Variants in HEXB observed in about 807,000 individuals in gnomAD.
The protein encoded by HEXB is beta-hexosaminidase subunit beta.
Under a neutral mutation model 71.2 loss-of-function variants are expected in HEXB, and 51 were observed. The ratio of observed to expected loss-of-function variants is 0.72; its 90% CI spans 0.57 to 0.90. The LOEUF is 0.90. Ranked by LOEUF, HEXB falls within the 40% of genes least tolerant of loss-of-function variation. The probability of loss-of-function intolerance (pLI) is 0.00; values close to 1 mark genes in which losing one functional copy is unlikely to be tolerated. For synonymous variants in HEXB, 266 were observed against 249.3 expected, an observed-to-expected ratio of 1.07 and a Z score of -0.63; for missense variants, 617 against 677.0, an observed-to-expected ratio of 0.91 and a Z score of 0.98.
Position 74,693,644 on chromosome 5 carries a change from T to G in HEXB, c.451T>G (p.Leu151Val). 6.2e-7 allele frequency: 1 copy of G among 1,609,986 alleles called. No homozygotes were observed. Among genetic ancestry groups the G allele is most frequent in the Non-Finnish European group, 8.5e-7 (1 of 1,176,170 alleles). The stretch of plus-strand genomic sequence containing the variant: ...ATTTTAAATCCTCAATACAGATACT[T>G]TACTTGTGAAAGAACCAGTGGCTGT... ...PNISSDESYT[L>V]LVKEPVAVLK... The change falls in exon 3 of 14, where the codon TTA (leucine) becomes GTA (valine). Residue 151 changes from leucine (L) to valine (V), a missense_variant. Transcript: ENST00000261416.
chr5:74,643,763 G>A (rs1423487826), intron 1 of HEXB, among the ~76,000 whole-genome samples: 1 of 152,172 alleles, frequency 6.6e-6, no homozygotes, highest in African/African-American at 2.4e-5. Flanking sequence ...GTGCGATCAT[G>A]GTACCAGGGA....
intron 1 of HEXB, among the ~76,000 whole-genome samples, chr5:74,654,644 A>T (rs959155376): frequency 2.6e-5 from 4 of 152,170 alleles, no homozygotes; most frequent in African/African-American, 9.7e-5. Context: ...AGTTTAGTGG[A>T]TCTAGAGGGG....
intron 1 of HEXB, among the ~76,000 whole-genome samples, chr5:74,679,691 C>A (rs1440741958): frequency 1.3e-5 from 2 of 148,280 alleles, no homozygotes; most frequent in East Asian, 4.1e-4. Flanking sequence ...TCCTAGCTAT[C>A]TGGGAGGCTG....
chr5:74,663,350 C>T (rs1045228102), intron 1 of HEXB, among the ~76,000 whole-genome samples: 2 of 150,096 alleles, frequency 1.3e-5, no homozygotes, highest in African/African-American at 5.1e-5. Flanking sequence ...GCCACCACAC[C>T]TGGCTAATTT....
intron 8 of HEXB, among the ~76,000 whole-genome samples, chr5:74,716,016 C>CAAAAAAA (rs71600435): frequency 1.5e-5 from 1 of 64,866 alleles, no homozygotes; most frequent in Admixed American, 1.9e-4. Context: ...GACTCCATCT[C>CAAAAAAA]AAAAAAAAAA....
In HEXB at chr5:74,713,548, C is replaced by T. The variant is rs759209123; in HGVS notation, c.814C>T (p.Arg272Cys). ...LSHVYTPNDV[R>C]MVIEYARLRG... ...TCATGTTTATACACCAAATGATGTC[C>T]GTATGGTGATTGAATATGCCAGATT... The change falls in exon 7 of 14, where the codon CGT (arginine) becomes TGT (cysteine). Residue 272 changes from arginine to cysteine, a missense_variant. Transcript: ENST00000261416. 1.1e-5 allele frequency: 17 copies of T among 1,610,814 alleles called. No individual in the cohort carries two copies. Among genetic ancestry groups the T allele is most frequent in the East Asian group, 4.5e-5 (2 of 44,874 alleles).
At chr5:74,703,439 C>T (rs1036915887) in intron 5 of HEXB, among the ~76,000 whole-genome samples, 2 of 152,098 alleles carry the variant, frequency 1.3e-5, no homozygotes, top group East Asian at 1.9e-4. Context: ...TTCAAGGAAC[C>T]CTTTTAGTGG....
chr5:74,678,203 C>T (rs1022601430), intron 1 of HEXB, among the ~76,000 whole-genome samples: 10 of 151,998 alleles, frequency 6.6e-5, no homozygotes, highest in African/African-American at 2.4e-4. Context: ...GAGGCTGAGG[C>T]AGGAGAATCA....
At chr5:74,647,828 C>G (rs982053247) in intron 1 of HEXB, among the ~76,000 whole-genome samples, 2 of 152,178 alleles carry the variant, frequency 1.3e-5, no homozygotes, top group Non-Finnish European at 2.9e-5. Flanking sequence ...ATTCATTTAG[C>G]CAATCAGTCA....
rs1748417045 is a variant in HEXB at position 74,665,509 on chromosome 5, T to TAC, written c.-376-23811_-376-23810dup. On this transcript the variant is annotated intron_variant, in intron 1 of 13. Coordinates refer to the HEXB transcript ENST00000511181. Reference sequence around the variant, plus strand: ...GGCATCTCCCATGCCCCTGCTTTCCTACACACACATGTTAAAAACATCTTC... The same window carrying TAC: ...GGCATCTCCCATGCCCCTGCTTTCCTACACACACACATGTTAAAAACATCTTC... Among the ~76,000 whole-genome samples the TAC allele has an allele frequency of 3.9e-5, 6 of 152,258 alleles. No individual in the cohort carries two copies. In the South Asian group the frequency reaches 1.2e-3, roughly 32 times the overall value.
At chr5:74,646,734 A>G (rs1748008923) in intron 1 of HEXB, among the ~76,000 whole-genome samples, 1 of 150,894 alleles carries the variant, frequency 6.6e-6, no homozygotes, top group African/African-American at 2.4e-5. Flanking sequence ...CGCCCAGCTA[A>G]TTTTTTGTGT....
intron 6 of HEXB, among the ~76,000 whole-genome samples, chr5:74,710,357 A>G (rs1749510556): frequency 6.6e-6 from 1 of 150,656 alleles, no homozygotes; most frequent in Non-Finnish European, 1.5e-5. Context: ...AACTAGAAGC[A>G]TTCCCTTTGA....
At chr5:74,684,620 C>T (rs961324349), upstream of HEXB, among the ~76,000 whole-genome samples, 3 of 151,840 alleles carry the variant, frequency 2.0e-5, no homozygotes, top group Admixed American at 6.6e-5. Flanking sequence ...AGCGGCGACC[C>T]GGTGTCGGCC....
upstream of HEXB, among the ~76,000 whole-genome samples, chr5:74,681,052 A>G (rs1748728239): frequency 1.3e-5 from 2 of 152,176 alleles, no homozygotes; most frequent in South Asian, 4.1e-4. Flanking sequence ...TGGTATCGTG[A>G]GCAAACCATT....
chr5:74,653,611 C>T (rs1748163871), intron 1 of HEXB, among the ~76,000 whole-genome samples: 1 of 152,102 alleles, frequency 6.6e-6, no homozygotes, highest in Non-Finnish European at 1.5e-5. Flanking sequence ...TTACAGTTTG[C>T]TAAGGGGTGC....
At chr5:74,701,042 CT>C (rs1343661406) in intron 5 of HEXB, among the ~76,000 whole-genome samples, 1 of 151,420 alleles carries the variant, frequency 6.6e-6, no homozygotes, top group South Asian at 2.1e-4. Flanking sequence ...GCAAAGAACC[CT>C]GCTAACATTT....
chr5:74,657,548 C>T (rs1362533710), intron 1 of HEXB, among the ~76,000 whole-genome samples: 1 of 152,214 alleles, frequency 6.6e-6, no homozygotes, highest in African/African-American at 2.4e-5. Flanking sequence ...TTACAACTCC[C>T]ACAAGGAAGC....
chr5:74,664,061 G>T (rs992282045), intron 1 of HEXB, among the ~76,000 whole-genome samples: 4 of 152,072 alleles, frequency 2.6e-5, no homozygotes, highest in African/African-American at 9.7e-5. Context: ...TTTGTGACCA[G>T]GCTGACTAAC....
chr5:74,717,613 C>T (rs913412597), intron 9 of HEXB, among the ~76,000 whole-genome samples: 1 of 151,716 alleles, frequency 6.6e-6, no homozygotes, highest in Non-Finnish European at 1.5e-5. Flanking sequence ...CATACAATTG[C>T]CCATGGACCA....
Sources: allele counts gnomAD v4.1 joint callset (sites outside exome capture counted in the v4.1 genomes callset), GRCh38; gene constraint gnomAD v4.1.1; transcripts MANE v1.5; gene names NCBI Gene and HGNC (gene_info 2026-07-23, HGNC 2026-07-21).